Variants in TSHZ2 observed in about 807,000 individuals in gnomAD.
TSHZ2 encodes teashirt zinc finger homeobox 2.
A neutral mutation model predicts 74.4 loss-of-function variants in TSHZ2; 21 were observed. That is an observed-to-expected ratio of 0.28 (90% CI 0.20 to 0.41). The LOEUF (loss-of-function observed/expected upper bound fraction) is 0.41, where lower values mean the gene tolerates loss of function less well. TSHZ2 is among the 10% of genes least tolerant of loss of function. The probability of loss-of-function intolerance (pLI) is 1.00; values close to 1 mark genes in which losing one functional copy is unlikely to be tolerated. For missense variants in TSHZ2, 1,244 were observed against 1,293.5 expected, an observed-to-expected ratio of 0.96 and a Z score of 0.59; for synonymous variants, 540 against 515.3, an observed-to-expected ratio of 1.05 and a Z score of -0.65.
intron 1 of TSHZ2, among the ~76,000 whole-genome samples, chr20:53,226,003 T>C (rs1453420139): frequency 6.6e-6 from 1 of 152,172 alleles, no homozygotes; most frequent in East Asian, 1.9e-4. Context: ...TAATAAGGAA[T>C]ATATGTGACA....
intron 1 of TSHZ2, among the ~76,000 whole-genome samples, chr20:53,182,908 C>A (rs1178899871): frequency 1.3e-5 from 2 of 152,126 alleles, no homozygotes; most frequent in East Asian, 3.8e-4. Context: ...CACCTCATGG[C>A]GTTTTAATGA....
intron 1 of TSHZ2, among the ~76,000 whole-genome samples, chr20:53,036,177 A>G (rs1189691293): frequency 6.6e-6 from 1 of 152,176 alleles, no homozygotes; most frequent in Non-Finnish European, 1.5e-5. Context: ...TTTGACCCAC[A>G]TGTACTCAGG....
intron 1 of TSHZ2, among the ~76,000 whole-genome samples, chr20:53,105,573 A>C (rs1239592562): frequency 6.6e-6 from 1 of 151,810 alleles, no homozygotes; most frequent in African/African-American, 2.4e-5. Flanking sequence ...TTTAACCTCC[A>C]CTTATCATTC....
At chr20:53,358,272 G>C (rs1242548731) in intron 2 of TSHZ2, among the ~76,000 whole-genome samples, 1 of 149,858 alleles carries the variant, frequency 6.7e-6, no homozygotes, top group Non-Finnish European at 1.5e-5. Context: ...TGGGTAAACT[G>C]GGACAAAATC....
intron 1 of TSHZ2, among the ~76,000 whole-genome samples, chr20:53,103,587 T>C (rs1047650218): frequency 1.3e-5 from 2 of 152,216 alleles, no homozygotes; most frequent in Non-Finnish European, 2.9e-5. Context: ...TAACTTCAGT[T>C]ACCAACATTT....
intron 1 of TSHZ2, among the ~76,000 whole-genome samples, chr20:53,096,076 T>C (rs1163433834): frequency 6.6e-6 from 1 of 152,264 alleles, no homozygotes; most frequent in East Asian, 1.9e-4. Context: ...TTAAGGATCC[T>C]AGGGTCAGGA....
intron 2 of TSHZ2, among the ~76,000 whole-genome samples, chr20:53,268,769 G>T (rs1990770125): frequency 6.6e-6 from 1 of 152,118 alleles, no homozygotes; most frequent in Non-Finnish European, 1.5e-5. Context: ...TTTTAACCCC[G>T]CATTGTCCAC....
chr20:53,484,313 A>C (rs1350049181), intron 2 of TSHZ2, among the ~76,000 whole-genome samples: 1 of 152,044 alleles, frequency 6.6e-6, no homozygotes, highest in Non-Finnish European at 1.5e-5. Context: ...GGAAGGACTA[A>C]ATTTAAAGCC....
chr20:53,008,980 CCTCTCTCTCTCTCTCT>C (rs55692015), intron 1 of TSHZ2, among the ~76,000 whole-genome samples: 1,396 of 130,504 alleles, frequency 0.011, 21 homozygotes, highest in East Asian at 0.021. Context: ...TTGTCTTTCT[CCTCTCTCTCTCTCTCT>C]CTCTCTCTCT....
At chr20:53,435,484 T>C (rs1271184442) in intron 2 of TSHZ2, among the ~76,000 whole-genome samples, 2 of 152,162 alleles carry the variant, frequency 1.3e-5, no homozygotes, top group Non-Finnish European at 2.9e-5. Flanking sequence ...AGGGAAGGCA[T>C]TATAGCATGG....
chr20:53,451,564 T>C (rs1984785314), intron 2 of TSHZ2, among the ~76,000 whole-genome samples: 1 of 152,334 alleles, frequency 6.6e-6, no homozygotes, highest in Non-Finnish European at 1.5e-5. Context: ...ATTCTTTATC[T>C]GGGTAACTTA....
At position 53,493,711 on chromosome 20, in the gene TSHZ2, T is replaced by C. The variant is rs1986505978; in HGVS notation, c.*6576T>C. 6.6e-6 allele frequency: 1 copy of C among 152,006 alleles called. No homozygotes were observed. Among genetic ancestry groups the C allele is most frequent in the East Asian group, 1.9e-4 (1 of 5,176 alleles). The allele number at this position is 152,006 out of a possible 1,614,324, so 9.4% of individuals were successfully genotyped here. ...ATCAAAACCATGTTTCACTTCTTTT[T>C]GATGATTATAAATTGTCCTTGCAAT... On this transcript the variant is annotated 3_prime_UTR_variant, in exon 3 of 3. Coordinates refer to ENST00000371497, the MANE Select transcript of TSHZ2 (RefSeq NM_173485.6).
intron 1 of TSHZ2, among the ~76,000 whole-genome samples, chr20:52,986,456 A>T (rs1418155297): frequency 6.6e-6 from 1 of 150,832 alleles, no homozygotes; most frequent in Non-Finnish European, 1.5e-5. Context: ...AGGGCAGGGC[A>T]TGGTGGCTCA....
intron 1 of TSHZ2, among the ~76,000 whole-genome samples, chr20:53,086,727 C>T (rs1364743736): frequency 6.6e-6 from 1 of 152,076 alleles, no homozygotes; most frequent in African/African-American, 2.4e-5. Flanking sequence ...CCGTGTCTTC[C>T]CTTTGCACAG....
chr20:53,043,086 A>G (rs932301856), intron 1 of TSHZ2, among the ~76,000 whole-genome samples: 14 of 152,232 alleles, frequency 9.2e-5, no homozygotes, highest in African/African-American at 3.4e-4. Flanking sequence ...CAAAGAAAGC[A>G]TAATTCCAGT....
intron 2 of TSHZ2, chr20:53,398,602 A>G (rs1040887407): frequency 6.6e-6 from 1 of 152,096 alleles, no homozygotes; most frequent in African/African-American, 2.4e-5. Context: ...ATTGTTTAAA[A>G]CATTAGCCAG....
intron 2 of TSHZ2, among the ~76,000 whole-genome samples, chr20:53,265,301 T>G (rs553910854): frequency 6.6e-6 from 1 of 152,194 alleles, no homozygotes; most frequent in African/African-American, 2.4e-5. Flanking sequence ...TGGAAGATAT[T>G]AAATTTCACA....
chr20:53,409,276 A>G (rs886697611), intron 2 of TSHZ2, among the ~76,000 whole-genome samples: 2 of 152,092 alleles, frequency 1.3e-5, no homozygotes, highest in African/African-American at 4.8e-5. Flanking sequence ...GAAAAAAAAA[A>G]TTATCTTTCT....
At chr20:53,105,026 C>T (rs1421596786) in intron 1 of TSHZ2, among the ~76,000 whole-genome samples, 1 of 152,044 alleles carries the variant, frequency 6.6e-6, no homozygotes, top group Non-Finnish European at 1.5e-5. Flanking sequence ...TATCCTAATG[C>T]CAAAGGACGA....
Sources: gnomAD v4.1 joint callset for allele counts (sites outside exome capture counted in the v4.1 genomes callset) on GRCh38, gnomAD v4.1.1 for gene constraint, MANE v1.5 for transcripts, NCBI Gene and HGNC (gene_info 2026-07-23, HGNC 2026-07-21) for gene names.